Variants in UGT1A9 observed in about 807,000 individuals in gnomAD.
UGT1A9 encodes the protein UDP-glucuronosyltransferase 1A9.
Under a neutral mutation model 45.0 loss-of-function variants are expected in UGT1A9, and 35 were observed. That is an observed-to-expected ratio of 0.78 (90% CI 0.59 to 1.03). The LOEUF (loss-of-function observed/expected upper bound fraction) is 1.03, where lower values mean the gene tolerates loss of function less well. Among genes scored for constraint, UGT1A9 ranks in the 50% least tolerant of loss-of-function variants. UGT1A9 has a pLI of 0.00. For missense variants in UGT1A9, 687 were observed against 666.6 expected, an observed-to-expected ratio of 1.03 and a Z score of -0.34; for synonymous variants, 278 against 250.6, an observed-to-expected ratio of 1.11 and a Z score of -1.03.
chr2:233,742,052 G>C (rs146940550), intron 1 of UGT1A9: 14 of 152,060 alleles, frequency 9.2e-5, no homozygotes, highest in African/African-American at 3.4e-4. Context: ...CAATAGGATA[G>C]TTCTGTGTGG....
At chr2:233,711,359 T>G (rs576618910) in intron 1 of UGT1A9, among the ~76,000 whole-genome samples, 1 of 152,314 alleles carries the variant, frequency 6.6e-6, no homozygotes, top group East Asian at 1.9e-4. Context: ...GGGAGCCCCC[T>G]GAATGTGGTG....
At chr2:233,764,663 C>T (rs4148325) in intron 1 of UGT1A9, among the ~76,000 whole-genome samples, 54,844 of 151,792 alleles carry the variant, frequency 0.36, 10,318 homozygotes, top group African/African-American at 0.45. Flanking sequence ...CATTTACCAA[C>T]GCTCAGAAGA....
intron 1 of UGT1A9, chr2:233,693,690 AT>A: frequency 6.2e-7 from 1 of 1,614,250 alleles, no homozygotes; most frequent in Non-Finnish European, 8.5e-7. Context: ...TTTTCAAAGT[AT>A]GAAGAACTCG....
rs2076494681 is a variant in UGT1A9, at chr2:233,716,255, T to A, written c.855+43466T>A. Among the ~76,000 whole-genome samples, 5 of 152,210 alleles carry A rather than the reference T, an allele frequency of 3.3e-5. No homozygotes were observed. The South Asian group carries it at 1.0e-3, about 32-fold the overall frequency. On this transcript the variant is annotated intron_variant, in intron 1 of 4. Transcript: ENST00000354728. ...CATTGTCCTGCCCGGACATCCAGCA[T>A]AATCTCCCCATGTCAAAACCCTTAA...
chr2:233,767,224 C>G (rs1699341321), intron 2 of UGT1A9, 59 bp downstream of exon 2: 2 of 1,610,498 alleles, frequency 1.2e-6, no homozygotes, highest in Non-Finnish European at 1.7e-6. Context: ...TAATCCCAGA[C>G]TTCCAGCTTC....
Position 233,672,363 on chromosome 2 carries a change from T to C in UGT1A9, c.429T>C (p.Asp143=). The part of the protein sequence containing the change: ...LVEYLKESSF[D]AVFLDPFDNC... ...AATACTTAAAGGAGAGTTCTTTTGA[T>C]GCAGTGTTTCTCGATCCTTTTGATA... The change falls in exon 1 of 5, where the codon GAT becomes GAC. Residue 143 remains aspartate (D), a synonymous_variant. Coordinates refer to ENST00000354728, the MANE Select transcript of UGT1A9 (RefSeq NM_021027.3). 6.2e-7 allele frequency: 1 copy of C among 1,614,210 alleles called. No individual in the cohort carries two copies. Among genetic ancestry groups the C allele is most frequent in the Non-Finnish European group, 8.5e-7 (1 of 1,180,020 alleles).
Position 233,672,326 on chromosome 2 carries a change from A to G in UGT1A9, c.392A>G (p.Lys131Arg). Reference protein sequence around the residue: ...FSNCRSLFKDKKLVEYLKESS... With the variant: ...FSNCRSLFKDRKLVEYLKESS... ...AATTGCAGGAGTTTGTTTAAAGACA[A>G]AAAATTAGTAGAATACTTAAAGGAG... Residue 131 changes from lysine (K) to arginine (R), a missense_variant, in exon 1 of 5, where the codon AAA (lysine) becomes AGA (arginine). By Grantham distance (26) the Lys-to-Arg change is conservative. Coordinates refer to ENST00000354728, the MANE Select transcript of UGT1A9 (RefSeq NM_021027.3). 2 of 1,614,100 alleles carry G rather than the reference A, an allele frequency of 1.2e-6. No individual in the cohort carries two copies. The highest frequency in any genetic ancestry group is 1.7e-6 in the Non-Finnish European group (2 of 1,179,998).
intron 1 of UGT1A9, among the ~76,000 whole-genome samples, chr2:233,757,340 GC>G (rs1259479827): frequency 3.3e-5 from 5 of 151,162 alleles, no homozygotes; most frequent in Non-Finnish European, 7.4e-5. Flanking sequence ...GACCATGACA[GC>G]TGGGTCTGAG....
At chr2:233,719,005 C>A in intron 1 of UGT1A9, 1 of 1,614,252 alleles carries the variant, frequency 6.2e-7, no homozygotes, top group Non-Finnish European at 8.5e-7. Context: ...GTGGTCCTCA[C>A]CCCAGAGGTG....
chr2:233,769,511 C>T lies in UGT1A9; in HGVS notation c.1295+1072C>T. On this transcript the variant is annotated intron_variant, in intron 4 of 4. Coordinates refer to ENST00000354728, the MANE Select transcript of UGT1A9 (RefSeq NM_021027.3). This position sits in a 1 kb window ranked among gnomAD's most constrained non-coding sequence, Gnocchi z 4.4. ...TTTATGAGAGTGTCCATTGCTTTCT[C>T]CCATGGTTACCTCCTTTAGAAAGAA... 6.2e-7 allele frequency: 1 copy of T among 1,612,794 alleles called. No individual in the cohort carries two copies. The highest frequency in any genetic ancestry group is 8.5e-7 in the Non-Finnish European group (1 of 1,179,854).
In UGT1A9 at chr2:233,692,887, G is replaced by A. The variant is rs564129992; in HGVS notation, c.855+20098G>A. 4.6e-6 allele frequency: 7 copies of A among 1,518,050 alleles called. No individual in the cohort carries two copies. The South Asian group carries it at 5.5e-5, about 12-fold the overall frequency. 94.0% of individuals were successfully genotyped at this position (1,518,050 alleles called of 1,614,324 possible). ...TATCAAAGGGTAAAATTCAGAGCAAGGGAGAGGTAGACAGGACCTGTGAAA... is the reference window on the plus strand; with the variant it reads ...TATCAAAGGGTAAAATTCAGAGCAAAGGAGAGGTAGACAGGACCTGTGAAA... On this transcript the variant is annotated intron_variant, in intron 1 of 4. Coordinates refer to ENST00000354728, the MANE Select transcript of UGT1A9 (RefSeq NM_021027.3).
At chr2:233,766,081 A>G (rs913982065) in intron 1 of UGT1A9, among the ~76,000 whole-genome samples, 2 of 152,278 alleles carry the variant, frequency 1.3e-5, no homozygotes, top group Admixed American at 6.5e-5. Context: ...ACCTTGTCGC[A>G]AGGACAGAGG....
In UGT1A9 at chr2:233,769,947, C is replaced by T. The variant is rs202080312; in HGVS notation, c.1295+1508C>T. On this transcript the variant is annotated intron_variant, in intron 4 of 4. Coordinates refer to ENST00000354728, the MANE Select transcript of UGT1A9 (RefSeq NM_021027.3). The surrounding 1 kb of genome is among the most constrained non-coding windows in gnomAD (Gnocchi z 4.4). ...GTGTGGTCCCATTCCTTCCTTCCAG[C>T]GGCTTCTTCTGGCCACCTCAATGTC... The T allele has an allele frequency of 2.2e-5, 5 of 224,160 alleles. No homozygotes were observed. Among genetic ancestry groups the T allele is most frequent in the Non-Finnish European group, 3.5e-5 (4 of 114,192 alleles). 13.9% of individuals were successfully genotyped at this position (224,160 alleles called of 1,614,324 possible). A position where few individuals can be genotyped will look rare whatever the true frequency, so the allele number is the denominator to read the frequency against.
intron 1 of UGT1A9, among the ~76,000 whole-genome samples, chr2:233,716,998 C>A (rs2076539575): frequency 6.6e-6 from 1 of 152,190 alleles, no homozygotes; most frequent in African/African-American, 2.4e-5. Context: ...GTCCTCAGGG[C>A]CCCTATGTCT....
At chr2:233,687,528 A>G (rs2074843359) in intron 1 of UGT1A9, among the ~76,000 whole-genome samples, 1 of 150,340 alleles carries the variant, frequency 6.7e-6, no homozygotes, top group African/African-American at 2.5e-5. Context: ...TGACTTGCCC[A>G]AGGTTATGCC....
At chr2:233,701,658 T>C (rs1262453541) in intron 1 of UGT1A9, among the ~76,000 whole-genome samples, 1 of 152,222 alleles carries the variant, frequency 6.6e-6, no homozygotes, top group East Asian at 1.9e-4. Flanking sequence ...CAGACCACAG[T>C]GCAATCAAAC....
intron 1 of UGT1A9, among the ~76,000 whole-genome samples, chr2:233,728,087 A>G (rs1166849113): frequency 6.6e-6 from 1 of 152,214 alleles, no homozygotes; most frequent in Non-Finnish European, 1.5e-5. Context: ...TCTCTCCTTT[A>G]GAAAGGCACA....
chr2:233,693,701 G>C, intron 1 of UGT1A9: 2 of 1,614,192 alleles, frequency 1.2e-6, no homozygotes, highest in Non-Finnish European at 1.7e-6. Flanking sequence ...TGAAGAACTC[G>C]CATCAGCTGT....
At chr2:233,704,490 AT>A (rs1395033136) in intron 1 of UGT1A9, among the ~76,000 whole-genome samples, 8 of 152,084 alleles carry the variant, frequency 5.3e-5, no homozygotes, top group African/African-American at 1.9e-4. Context: ...TTATGATATT[AT>A]TGTTATACGT....
Sources: allele counts gnomAD v4.1 joint callset (sites outside exome capture counted in the v4.1 genomes callset), GRCh38; gene constraint gnomAD v4.1.1; non-coding constraint Gnocchi (gnomAD v3.1); transcripts MANE v1.5; gene names NCBI Gene and HGNC (gene_info 2026-07-23, HGNC 2026-07-21).